SELP: variants seen among roughly 807,000 people sequenced by gnomAD.
SELP encodes P-selectin.
Under a neutral mutation model 104.1 loss-of-function variants are expected in SELP, and 92 were observed. That is an observed-to-expected ratio of 0.88 (90% CI 0.75 to 1.05). SELP has a LOEUF of 1.05. SELP is among the 50% of genes least tolerant of loss of function. The pLI is 0.00. For missense variants in SELP, 1,022 were observed against 1,017.3 expected (o/e 1.00, Z -0.06); for synonymous variants, 397 against 364.5 (o/e 1.09, Z -1.01).
chr1:169,613,501 G>T, intron 4 of SELP, 85 bp downstream of exon 4: 2 of 1,038,236 alleles, frequency 1.9e-6, no homozygotes, highest in Non-Finnish European at 1.5e-6. Flanking sequence ...TATTCTCACT[G>T]GAGAGACTTC....
intron 8 of SELP, 48 bp from the exon 9 acceptor site, chr1:169,607,182 C>CCTG: frequency 6.9e-7 from 1 of 1,439,850 alleles, no homozygotes; most frequent in Non-Finnish European, 9.3e-7. Flanking sequence ...TACACATGTA[C>CCTG]TCATTGATTT....
At chr1:169,596,889 T>C in intron 11 of SELP, 102 bp downstream of exon 11, 1 of 991,502 alleles carries the variant, frequency 1.0e-6, no homozygotes, top group Non-Finnish European at 1.4e-6. Context: ...ATAATGGTAA[T>C]ATATACAATT....
chr1:169,595,837 G>C, intron 12 of SELP, 88 bp downstream of exon 12: 2 of 1,112,598 alleles, frequency 1.8e-6, no homozygotes. Flanking sequence ...GGTTGTGGTT[G>C]GGTGAGACTT....
At chr1:169,608,775 G>T (rs1181073950) in intron 8 of SELP, among the ~76,000 whole-genome samples, 1 of 152,042 alleles carries the variant, frequency 6.6e-6, no homozygotes. Context: ...ATTGCTCAGA[G>T]GTCTCCGTAA....
At chr1:169,603,311 G>C (rs3886553) in intron 9 of SELP, 100 bp from the exon 10 acceptor site, 27,673 of 226,550 alleles carry the variant, frequency 0.12, 1,558 homozygotes, top group East Asian at 0.67. Flanking sequence ...CTCTCTCTGT[G>C]TGTGTGTGTG....
In SELP at chr1:169,591,455, A is replaced by C. The variant is rs1189147570; in HGVS notation, c.2409T>G (p.Asp803Glu). Residue 803 changes from aspartate (D) to glutamate (E), a missense_variant and splice_region_variant, in exon 15 of 17, where the codon GAT (aspartate) becomes GAG (glutamate). Transcript: ENST00000263686. ...GAGGATTCAAGGGGCATTTCCCATC[A>C]TCTAAAATCAGCAAGAAGACAAGAA... ...ALLRKRFRQK[D>E]DGKCPLNPHS... The C allele has an allele frequency of 8.3e-6, 13 of 1,575,736 alleles. No homozygotes were observed. In the East Asian group the frequency reaches 3.0e-4, roughly 36 times the overall value.
intron 9 of SELP, among the ~76,000 whole-genome samples, chr1:169,603,709 T>G (rs3917768): frequency 0.43 from 65,111 of 152,048 alleles, 15,932 homozygotes; most frequent in East Asian, 0.96. Flanking sequence ...TGGTGGAATC[T>G]GCGCCCAAAT....
intron 9 of SELP, among the ~76,000 whole-genome samples, chr1:169,606,053 A>G (rs1172810414): frequency 6.6e-6 from 1 of 152,236 alleles, no homozygotes. Context: ...GCAGTGGCTC[A>G]CACCTGTAAT....
chr1:169,612,331 G>A lies in SELP; in HGVS notation c.847C>T (p.Gln283Ter). The A allele has an allele frequency of 6.2e-7, 1 of 1,614,112 alleles. No homozygotes were observed. The highest frequency in any genetic ancestry group is 1.6e-4 in the Middle Eastern group (1 of 6,062). The change falls in exon 6 of 17, where the codon CAG becomes TAG. Residue 283 changes from glutamine to a stop codon, truncating the protein, a stop_gained. Transcript: ENST00000263686. LOFTEE classifies it high-confidence loss of function. ...CTGAAGCTGCAGCTAGACTGATGCT[G>A]GAATGCTTTTGCAGAATGAAGGCAG... is the stretch of plus-strand genomic sequence containing the variant. Reference protein sequence around the residue: ...MTCLHSAKAFQHQSSCSFSCE... With the variant: ...MTCLHSAKAF
intron 11 of SELP, 30 bp from the exon 12 acceptor site, chr1:169,596,164 A>G (rs762810947): frequency 3.8e-6 from 6 of 1,594,294 alleles, no homozygotes; most frequent in Middle Eastern, 1.7e-4. Flanking sequence ...CCATTCAGAG[A>G]CCTCCCAATT....
chr1:169,627,289 G>C (rs1663420713), intron 1 of SELP, among the ~76,000 whole-genome samples: 1 of 152,144 alleles, frequency 6.6e-6, no homozygotes, highest in African/African-American at 2.4e-5. Flanking sequence ...AAGAAATACA[G>C]TGAGAAAAGA....
chr1:169,619,002 C>A (rs1181062558), intron 2 of SELP, 127 bp downstream of exon 2: 3 of 664,822 alleles, frequency 4.5e-6, no homozygotes, highest in African/African-American at 3.6e-5. Flanking sequence ...TGTCTTCCAG[C>A]AATCTGGACT....
intron 5 of SELP, 97 bp downstream of exon 5, chr1:169,612,832 A>G: frequency 9.6e-7 from 1 of 1,041,774 alleles, no homozygotes. Flanking sequence ...CTAGATGGTC[A>G]TTATTTCTCA....
At chr1:169,614,148 A>C (rs1438875215) in intron 3 of SELP, among the ~76,000 whole-genome samples, 3 of 152,226 alleles carry the variant, frequency 2.0e-5, no homozygotes, top group Admixed American at 6.5e-5. Flanking sequence ...CCTACTTGCT[A>C]TGTGACCTTA....
In SELP at chr1:169,595,990, A is replaced by C. The variant is rs967684249; in HGVS notation, c.2036T>G (p.Ile679Arg). The part of the protein sequence containing the change: ...YFGCNAGFTL[I>R]GDSTLSCRPS... ...TCTGCAGCTGAGAGTGCTGTCTCCT[A>C]TGAGTGTGAATCCAGCGTTGCAGCC... The change falls in exon 12 of 17, where the codon ATA becomes AGA. Residue 679 changes from isoleucine to arginine, a missense_variant. Physicochemically the swap from Ile to Arg is moderately conservative, Grantham distance 97. Transcript: ENST00000263686. The C allele has an allele frequency of 6.2e-7, 1 of 1,613,870 alleles. No individual in the cohort carries two copies. The highest frequency in any genetic ancestry group is 8.5e-7 in the Non-Finnish European group (1 of 1,179,840).
At chr1:169,595,048 A>G (rs1254332653) in intron 12 of SELP, among the ~76,000 whole-genome samples, 171 bp from the exon 13 acceptor site, 1 of 152,204 alleles carries the variant, frequency 6.6e-6, no homozygotes, top group Non-Finnish European at 1.5e-5. Flanking sequence ...CACATATATG[A>G]AAATATTCTC....
chr1:169,607,224 A>T, intron 8 of SELP, 90 bp from the exon 9 acceptor site: 3 of 1,092,586 alleles, frequency 2.7e-6, no homozygotes, highest in Non-Finnish European at 2.5e-6. Flanking sequence ...TGTCAAGAAC[A>T]GGGATTCCTG....
intron 3 of SELP, among the ~76,000 whole-genome samples, chr1:169,615,705 T>G (rs567121509): frequency 1.3e-5 from 2 of 152,328 alleles, no homozygotes; most frequent in South Asian, 2.1e-4. Context: ...ATCAATTTAT[T>G]TATATATAAA....
intron 7 of SELP, 119 bp from the exon 8 acceptor site, chr1:169,609,808 A>C: frequency 2.1e-6 from 2 of 935,466 alleles, no homozygotes; most frequent in Non-Finnish European, 3.1e-6. Context: ...AGAACCCTAA[A>C]ACCTCCATTT....
Sources: gnomAD v4.1 joint callset for allele counts (sites outside exome capture counted in the v4.1 genomes callset) on GRCh38, gnomAD v4.1.1 for gene constraint, MANE v1.5 for transcripts, NCBI Gene and HGNC (gene_info 2026-07-23, HGNC 2026-07-21) for gene names.